Variants in ITPR2 observed in about 807,000 individuals in gnomAD.
The protein encoded by ITPR2 is inositol 1,4,5-trisphosphate-gated calcium channel ITPR2.
Under a neutral mutation model 317.1 loss-of-function variants are expected in ITPR2, and 207 were observed. The ratio of observed to expected loss-of-function variants is 0.65; its 90% confidence interval spans 0.58 to 0.73. The LOEUF is 0.73. Among genes scored for constraint, ITPR2 ranks in the 30% least tolerant of loss-of-function variants. The pLI is 0.00. For missense variants in ITPR2, 2,613 were observed against 3,284.0 expected, an observed-to-expected ratio of 0.80 and a Z score of 4.99; for synonymous variants, 1,156 against 1,149.1, an observed-to-expected ratio of 1.01 and a Z score of -0.12.
At chr12:26,374,070 C>T (rs780928484) in intron 55 of ITPR2, among the ~76,000 whole-genome samples, 3 of 152,176 alleles carry the variant, frequency 2.0e-5, no homozygotes, top group Non-Finnish European at 4.4e-5. Context: ...TGCGGCACTC[C>T]GGATGGTGTC....
At chr12:26,685,465 T>A (rs1377889249) in intron 11 of ITPR2, among the ~76,000 whole-genome samples, 2 of 152,068 alleles carry the variant, frequency 1.3e-5, no homozygotes, top group Non-Finnish European at 1.5e-5. Context: ...AGCATGGTGG[T>A]GCATGCCTAT....
intron 47 of ITPR2, among the ~76,000 whole-genome samples, chr12:26,436,782 A>G (rs958171362): frequency 6.6e-6 from 1 of 152,162 alleles, no homozygotes; most frequent in Non-Finnish European, 1.5e-5. Context: ...ACTCAAACCC[A>G]TAGCACAGAT....
rs899910398 is a variant in ITPR2 at position 26,825,908 on chromosome 12, C to T, written c.92+6782G>A. ...CACAGTGAACACACATGCAAATGTC[C>T]AATGGACTTTTAGATATATTTATCA... On this transcript the variant is annotated intron_variant, in intron 1 of 56. Coordinates refer to ENST00000381340, the MANE Select transcript of ITPR2 (RefSeq NM_002223.4). Among the ~76,000 whole-genome samples, 9 of 152,174 alleles carry T rather than the reference C, an allele frequency of 5.9e-5. No individual in the cohort carries two copies. In the South Asian group the frequency reaches 1.9e-3, roughly 31 times the overall value.
chr12:26,787,678 C>T (rs1994472), intron 2 of ITPR2, among the ~76,000 whole-genome samples: 102,735 of 152,014 alleles, frequency 0.68, 36,336 homozygotes, highest in East Asian at 0.95. Context: ...GCCTGTGAAA[C>T]GTGGGCACCC....
At chr12:26,794,711 T>A (rs943177154) in intron 1 of ITPR2, among the ~76,000 whole-genome samples, 1 of 152,246 alleles carries the variant, frequency 6.6e-6, no homozygotes, top group African/African-American at 2.4e-5. Flanking sequence ...CACATACTGC[T>A]CTATATGTTT....
chr12:26,457,909 T>A (rs188840120), intron 45 of ITPR2, among the ~76,000 whole-genome samples: 1 of 152,154 alleles, frequency 6.6e-6, no homozygotes, highest in African/African-American at 2.4e-5. Context: ...ACAGCACCGA[T>A]ACAAAGTAAG....
chr12:26,412,130 T>C (rs940292488), intron 51 of ITPR2, among the ~76,000 whole-genome samples: 1 of 152,184 alleles, frequency 6.6e-6, no homozygotes, highest in African/African-American at 2.4e-5. Flanking sequence ...TCGAGGGAAG[T>C]CTTCATGATG....
chr12:26,631,838 G>A, intron 22 of ITPR2, 28 bp downstream of exon 22: 3 of 1,600,010 alleles, frequency 1.9e-6, no homozygotes, highest in Non-Finnish European at 2.6e-6. Flanking sequence ...TTACATCTTT[G>A]TCACCTAGCT....
At chr12:26,601,724 G>C (rs1452582181) in intron 28 of ITPR2, among the ~76,000 whole-genome samples, 1 of 152,140 alleles carries the variant, frequency 6.6e-6, no homozygotes, top group Admixed American at 6.5e-5. Flanking sequence ...TCACAGAACT[G>C]CTCCACAAAA....
chr12:26,518,065 A>G (rs191666276), intron 37 of ITPR2, among the ~76,000 whole-genome samples: 1 of 152,324 alleles, frequency 6.6e-6, no homozygotes, highest in East Asian at 1.9e-4. Context: ...AAAGTCACAT[A>G]TACACAATGT....
chr12:26,438,760 G>A (rs1003051192), intron 47 of ITPR2, among the ~76,000 whole-genome samples: 15 of 152,172 alleles, frequency 9.9e-5, no homozygotes, highest in African/African-American at 3.4e-4. Context: ...GAGTGCGCAG[G>A]AGCTGATGTC....
intron 2 of ITPR2, among the ~76,000 whole-genome samples, chr12:26,739,253 T>C (rs140433373): frequency 7.8e-4 from 119 of 152,328 alleles, no homozygotes; most frequent in African/African-American, 2.7e-3. Context: ...TGGTAGTTTC[T>C]TGAAAAGTTA....
intron 22 of ITPR2, among the ~76,000 whole-genome samples, chr12:26,631,643 A>C (rs957849044): frequency 2.6e-5 from 4 of 152,178 alleles, no homozygotes; most frequent in Non-Finnish European, 5.9e-5. Flanking sequence ...CAATTGTTAG[A>C]TATGATCATT....
chr12:26,548,921 C>G (rs1382626022), intron 37 of ITPR2, among the ~76,000 whole-genome samples: 1 of 152,118 alleles, frequency 6.6e-6, no homozygotes, highest in African/African-American at 2.4e-5. Flanking sequence ...GATTTCTTTC[C>G]GATTTTCCTT....
chr12:26,754,422 T>C (rs1434359781), intron 2 of ITPR2, among the ~76,000 whole-genome samples: 2 of 152,218 alleles, frequency 1.3e-5, no homozygotes, highest in Admixed American at 6.5e-5. Flanking sequence ...GCTCCACGCA[T>C]GGTACATAAT....
chr12:26,379,242 T>C (rs1939433500), intron 55 of ITPR2, among the ~76,000 whole-genome samples: 1 of 152,082 alleles, frequency 6.6e-6, no homozygotes, highest in African/African-American at 2.4e-5. Flanking sequence ...CCTCCTAGAG[T>C]TGTCACGAGG....
At position 26,832,743 on chromosome 12, in the gene ITPR2, G is replaced by T. The variant is rs1243326320; in HGVS notation, c.39C>A (p.Asp13Glu). The T allele has an allele frequency of 1.2e-6, 2 of 1,601,978 alleles. No individual in the cohort carries two copies. Among genetic ancestry groups the T allele is most frequent in the African/African-American group, 2.7e-5 (2 of 73,040 alleles). ...AGCCCTCCGCGTACAGGGACACGAT[G>T]TCCCCTATGTAGAGGAAGCTGGACA... Reference protein sequence around the residue: ...EKMSSFLYIGDIVSLYAEGSV... With the variant: ...EKMSSFLYIGEIVSLYAEGSV... Residue 13 changes from aspartate to glutamate, a missense_variant, in exon 1 of 57, where the codon GAC becomes GAA. By Grantham distance (45) the Asp-to-Glu change is conservative. This residue lies in a region of ITPR2 where 515 missense variants were observed against 789.4 expected (regional missense o/e 0.65). Transcript: ENST00000381340.
chr12:26,722,577 T>C, intron 4 of ITPR2, 22 bp from the exon 5 acceptor site: 2 of 1,572,704 alleles, frequency 1.3e-6, no homozygotes, highest in Non-Finnish European at 1.7e-6. Context: ...AGACATAGAT[T>C]ACCACCTTTA....
At chr12:26,371,911 G>A (rs1026470041) in intron 55 of ITPR2, among the ~76,000 whole-genome samples, 2 of 151,832 alleles carry the variant, frequency 1.3e-5, no homozygotes, top group Admixed American at 6.6e-5. Context: ...CCTTAAAATC[G>A]GATTTTTAAA....
Sources: allele counts gnomAD v4.1 joint callset (sites outside exome capture counted in the v4.1 genomes callset), GRCh38; gene constraint gnomAD v4.1.1; regional missense constraint gnomAD v4.1.1; transcripts MANE v1.5; gene names NCBI Gene and HGNC (gene_info 2026-07-23, HGNC 2026-07-21).